The following SLC2A9 variants were observed in gnomAD, a reference collection of about 807,000 sequenced individuals.
SLC2A9 encodes solute carrier family 2, facilitated glucose transporter member 9.
SLC2A9 carries 39 observed loss-of-function variants against 50.6 expected under a neutral mutation model. That is an observed-to-expected ratio of 0.77 (90% CI 0.60 to 1.01). The LOEUF (loss-of-function observed/expected upper bound fraction) is 1.01, where lower values mean the gene tolerates loss of function less well. Among genes scored for constraint, SLC2A9 ranks in the 50% least tolerant of loss-of-function variants. The pLI is 0.00. For missense variants in SLC2A9, 686 were observed against 677.6 expected, an observed-to-expected ratio of 1.01 and a Z score of -0.14; for synonymous variants, 324 against 276.9, an observed-to-expected ratio of 1.17 and a Z score of -1.69.
At chr4:10,012,852 G>A (rs1122966) in intron 2 of SLC2A9, among the ~76,000 whole-genome samples, 48,850 of 151,904 alleles carry the variant, frequency 0.32, 9,123 homozygotes, top group African/African-American at 0.51. Flanking sequence ...CATCTGTCAT[G>A]TGTCATGTGT....
At position 9,920,540 on chromosome 4, in the gene SLC2A9, A is replaced by G. The variant is rs1373044926; in HGVS notation, c.847T>C (p.Ser283Pro). Residue 283 changes from serine (S) to proline (P), a missense_variant, in exon 7 of 12, where the codon TCC becomes CCC. Coordinates refer to ENST00000264784, the MANE Select transcript of SLC2A9 (RefSeq NM_020041.3). ...GCCAGGACCTCCTCTACCTCTTGGGAAACGTCTGCTTTACCCAAGAACGTT... is the reference window on the plus strand; with the variant it reads ...GCCAGGACCTCCTCTACCTCTTGGGGAACGTCTGCTTTACCCAAGAACGTT... ...FQTFLGKADV[S>P]QEVEEVLAES... 6 of 1,614,168 alleles carry G rather than the reference A, an allele frequency of 3.7e-6. No individual in the cohort carries two copies. Among genetic ancestry groups the G allele is most frequent in the East Asian group, 2.2e-5 (1 of 44,884 alleles).
At chr4:9,792,258 C>A (rs889763054) in intron 3 of SLC2A9, among the ~76,000 whole-genome samples, 91 of 146,752 alleles carry the variant, frequency 6.2e-4, no homozygotes, top group African/African-American at 2.2e-3. Context: ...TTCACTGCAG[C>A]CTTAAACTCT....
intron 10 of SLC2A9, among the ~76,000 whole-genome samples, chr4:9,886,424 CTGTGTGTGTGTGTGTG>C (rs59081583): frequency 0.21 from 29,124 of 135,654 alleles, 3,251 homozygotes; most frequent in Admixed American, 0.34. Flanking sequence ...CCTCATAGCA[CTGTGTGTGTGTGTGTG>C]TGTGTGTGTG....
rs116637652 is a variant in SLC2A9 at position 9,803,111 on chromosome 4, C to A, written n.421-3870G>T. On this transcript the variant is annotated intron_variant and non_coding_transcript_variant, in intron 3 of 3. Coordinates refer to the SLC2A9 transcript ENST00000503280. ...TGGGCCTGACTTTGGCACTATCTTG[C>A]TATTTGTCCTTGGCAAACCACTTAG... is the stretch of plus-strand genomic sequence containing the variant. Among the ~76,000 whole-genome samples, 167 of 152,304 alleles carry A rather than the reference C, an allele frequency of 1.1e-3. No homozygotes were observed. In the Middle Eastern group the frequency reaches 0.017, roughly 16 times the overall value.
rs998700573 is a variant in SLC2A9, at chr4:9,908,340, C to T, written c.1008G>A (p.Trp336Ter). Residue 336 changes from tryptophan to a stop codon, truncating the protein, a stop_gained, in exon 8 of 12, where the codon TGG becomes TGA. Coordinates refer to ENST00000264784, the MANE Select transcript of SLC2A9 (RefSeq NM_020041.3). LOFTEE classifies it high-confidence loss of function. ...TTCCAAAGATGCTGTTGGTATAGAA[C>T]CAAATCTGTAATTCAGGAAAGAATG... ...CYQLCGLNAI[W>*]FYTNSIFGKA... 1 of 1,598,990 alleles carries T rather than the reference C, an allele frequency of 6.3e-7. No individual in the cohort carries two copies. The highest frequency in any genetic ancestry group is 8.6e-7 in the Non-Finnish European group (1 of 1,166,010).
At chr4:9,989,335 GGCTCCC>G (rs1757287043) in intron 3 of SLC2A9, among the ~76,000 whole-genome samples, 3 of 152,170 alleles carry the variant, frequency 2.0e-5, no homozygotes, top group African/African-American at 7.2e-5. Context: ...GAAGGGTTAA[GGCTCCC>G]CTGCACTGAG....
At chr4:9,985,419 C>T (rs920971691) in intron 4 of SLC2A9, among the ~76,000 whole-genome samples, 2 of 152,166 alleles carry the variant, frequency 1.3e-5, no homozygotes, top group Non-Finnish European at 1.5e-5. Context: ...ATGCTGAAGA[C>T]CATCCAGGTC....
At chr4:9,919,211 C>T (rs929026085) in intron 7 of SLC2A9, among the ~76,000 whole-genome samples, 1 of 152,172 alleles carries the variant, frequency 6.6e-6, no homozygotes, top group African/African-American at 2.4e-5. Context: ...GTCTCGTCAA[C>T]AGGAAGAGAC....
intron 10 of SLC2A9, among the ~76,000 whole-genome samples, chr4:9,878,491 T>C (rs936766405): frequency 6.6e-6 from 1 of 152,070 alleles, no homozygotes. Flanking sequence ...TGTTTCCCAG[T>C]TGGTAAACGC....
At chr4:10,009,117 C>T (rs1761331071) in intron 2 of SLC2A9, among the ~76,000 whole-genome samples, 1 of 152,168 alleles carries the variant, frequency 6.6e-6, no homozygotes, top group Non-Finnish European at 1.5e-5. Flanking sequence ...CCACCAAAGT[C>T]TTGAGCCCTG....
chr4:9,799,700 C>CCGCCA lies in SLC2A9; in HGVS notation n.421-460_421-459insTGGCG, dbSNP rs1553813203. ...AGCTCCATTCCAATTGTACCCCCCC[C>CCGCCA]CCACCCAACTTCTACACCAGTTTTG... On this transcript the variant is annotated intron_variant and non_coding_transcript_variant, in intron 3 of 3. Coordinates refer to the SLC2A9 transcript ENST00000503280. 2.2e-3 allele frequency among the ~76,000 whole-genome samples: 202 copies of CCGCCA among 93,718 alleles called. 7 individuals carry two copies. Among genetic ancestry groups the CCGCCA allele is most frequent in the Non-Finnish European group, 3.5e-3 (163 of 47,216 alleles). 61.5% of individuals were successfully genotyped at this position (93,718 alleles called of 152,430 possible).
chr4:10,012,990 T>A (rs1762020330), intron 2 of SLC2A9, among the ~76,000 whole-genome samples: 1 of 152,142 alleles, frequency 6.6e-6, no homozygotes, highest in South Asian at 2.1e-4. Flanking sequence ...GGGTGGAGAC[T>A]AAACTGTAGG....
intron 2 of SLC2A9, among the ~76,000 whole-genome samples, chr4:10,007,271 G>A (rs554048339): frequency 6.6e-6 from 1 of 152,220 alleles, no homozygotes; most frequent in Non-Finnish European, 1.5e-5. Context: ...TTGCAGGTTT[G>A]TGGTGTTTTT....
chr4:10,039,397 G>A (rs1043241267), intron 1 of SLC2A9, among the ~76,000 whole-genome samples: 4 of 152,220 alleles, frequency 2.6e-5, no homozygotes, highest in African/African-American at 9.6e-5. Context: ...AGAGGAAACT[G>A]GAAGGTATGC....
chr4:9,773,226 A>C (rs1717080082), intron 1 of SLC2A9, among the ~76,000 whole-genome samples: 1 of 152,224 alleles, frequency 6.6e-6, no homozygotes, highest in African/African-American at 2.4e-5. Context: ...TGGCTGGCTC[A>C]TCACCTGGGC....
At chr4:9,931,962 C>CTCTCTCTATA (rs1560329576) in intron 6 of SLC2A9, among the ~76,000 whole-genome samples, 4 of 14,580 alleles carry the variant, frequency 2.7e-4, no homozygotes, top group African/African-American at 3.8e-4. Context: ...CTCTCTCTCT[C>CTCTCTCTATA]TATATATATA....
chr4:9,834,733 C>A, intron 11 of SLC2A9, 148 bp downstream of exon 11: 1 of 1,301,110 alleles, frequency 7.7e-7, no homozygotes, highest in South Asian at 1.3e-5. Flanking sequence ...AAAGGTTTTG[C>A]CCAAAGCATA....
chr4:9,983,233 G>C (rs1756179815), intron 4 of SLC2A9, among the ~76,000 whole-genome samples: 1 of 152,238 alleles, frequency 6.6e-6, no homozygotes, highest in African/African-American at 2.4e-5. Flanking sequence ...AGGTGGGAAA[G>C]AGGCCAAGAC....
intron 8 of SLC2A9, among the ~76,000 whole-genome samples, chr4:9,906,319 C>T (rs1283715157): frequency 6.6e-6 from 1 of 152,176 alleles, no homozygotes; most frequent in Non-Finnish European, 1.5e-5. Context: ...ACCTCACCCG[C>T]AGACAATGGT....
Sources: gnomAD v4.1 joint callset for allele counts (sites outside exome capture counted in the v4.1 genomes callset) on GRCh38, gnomAD v4.1.1 for gene constraint, MANE v1.5 for transcripts, NCBI Gene and HGNC (gene_info 2026-07-23, HGNC 2026-07-21) for gene names.